DPP10: variants seen among roughly 807,000 people sequenced by gnomAD.
DPP10 encodes the protein dipeptidyl peptidase like 10.
DPP10 carries 33 observed loss-of-function variants against 120.9 expected under a neutral mutation model. That is an observed-to-expected ratio of 0.27 (90% CI 0.21 to 0.37). The LOEUF (loss-of-function observed/expected upper bound fraction) is 0.37. Ranked by LOEUF, DPP10 falls within the 10% of genes least tolerant of loss-of-function variation. The probability of loss-of-function intolerance (pLI) is 1.00; values close to 1 mark genes in which losing one functional copy is unlikely to be tolerated. For missense variants in DPP10, 816 were observed against 942.8 expected, an observed-to-expected ratio of 0.87 and a Z score of 1.76; for synonymous variants, 337 against 326.1, an observed-to-expected ratio of 1.03 and a Z score of -0.36.
chr2:115,044,241 A>T (rs1704888993), intron 1 of DPP10, among the ~76,000 whole-genome samples: 2 of 152,146 alleles, frequency 1.3e-5, no homozygotes, highest in Admixed American at 1.3e-4. Flanking sequence ...GGGAGGTCTC[A>T]GGAAACTTAC....
chr2:115,279,466 A>G (rs1278015003), intron 1 of DPP10, among the ~76,000 whole-genome samples: 6 of 152,054 alleles, frequency 3.9e-5, no homozygotes, highest in South Asian at 2.1e-4. Flanking sequence ...TCTCTACCCA[A>G]TAAGAAGCTG....
intron 1 of DPP10, among the ~76,000 whole-genome samples, chr2:114,888,831 G>T (rs963713735): frequency 6.6e-6 from 1 of 152,180 alleles, no homozygotes; most frequent in Non-Finnish European, 1.5e-5. Flanking sequence ...TAACTTGGCT[G>T]AGAACTCTTC....
chr2:115,741,475 CT>C (rs1442638696), intron 9 of DPP10, among the ~76,000 whole-genome samples: 4 of 150,818 alleles, frequency 2.7e-5, no homozygotes, highest in Non-Finnish European at 4.4e-5. Context: ...CATACCAGCA[CT>C]ATTTTTTCCC....
intron 1 of DPP10, among the ~76,000 whole-genome samples, chr2:114,887,852 A>G (rs1286506352): frequency 6.6e-6 from 1 of 152,196 alleles, no homozygotes; most frequent in Admixed American, 6.5e-5. Context: ...GAAAATGAGT[A>G]TCATGGGTTA....
chr2:115,815,394 CA>C (rs1384104964), intron 20 of DPP10, among the ~76,000 whole-genome samples: 1 of 152,194 alleles, frequency 6.6e-6, no homozygotes, highest in South Asian at 2.1e-4. Context: ...ACACAGAAAC[CA>C]GATATGATAT....
intron 1 of DPP10, chr2:115,064,558 C>A: frequency 1.1e-6 from 1 of 933,690 alleles, no homozygotes; most frequent in South Asian, 2.0e-5. Context: ...TCTGCCCCAC[C>A]ACCCACCCCT....
chr2:115,722,290 T>G (rs1185460571), intron 7 of DPP10, among the ~76,000 whole-genome samples: 1 of 151,630 alleles, frequency 6.6e-6, no homozygotes, highest in African/African-American at 2.4e-5. Flanking sequence ...TGCAATATTT[T>G]CCTAGCCTTT....
chr2:115,130,436 G>T (rs2050283550), intron 1 of DPP10, among the ~76,000 whole-genome samples: 1 of 151,784 alleles, frequency 6.6e-6, no homozygotes, highest in African/African-American at 2.4e-5. Context: ...CCCCACATCT[G>T]TGTTCCCATC....
chr2:114,609,341 A>G (rs1335550323), intron 1 of DPP10, among the ~76,000 whole-genome samples: 2 of 152,300 alleles, frequency 1.3e-5, no homozygotes, highest in Non-Finnish European at 2.9e-5. Flanking sequence ...CCCTAGGCCA[A>G]CATTTATCCC....
intron 21 of DPP10, among the ~76,000 whole-genome samples, chr2:115,822,083 T>A (rs534132615): frequency 6.6e-6 from 1 of 152,132 alleles, no homozygotes; most frequent in South Asian, 2.1e-4. Flanking sequence ...AATAGTGGGA[T>A]TTATTTTATT....
chr2:114,884,681 A>G (rs998681254), intron 1 of DPP10, among the ~76,000 whole-genome samples: 1 of 152,020 alleles, frequency 6.6e-6, no homozygotes, highest in African/African-American at 2.4e-5. Flanking sequence ...TACTGTACCC[A>G]ATGTCTAGCC....
chr2:115,336,955 T>A (rs1431512961), intron 2 of DPP10, among the ~76,000 whole-genome samples: 3 of 151,978 alleles, frequency 2.0e-5, no homozygotes, highest in Non-Finnish European at 4.4e-5. Context: ...AATAGTAAGA[T>A]TTCTCTAGGT....
chr2:115,137,335 A>C (rs1017289278), intron 1 of DPP10, among the ~76,000 whole-genome samples: 22 of 152,236 alleles, frequency 1.4e-4, no homozygotes, highest in Admixed American at 1.1e-3. Context: ...TGACTGAGCC[A>C]TCTGGCAGTG....
At chr2:115,121,798 CT>C (rs2049837297) in intron 1 of DPP10, among the ~76,000 whole-genome samples, 1 of 152,160 alleles carries the variant, frequency 6.6e-6, no homozygotes, top group Non-Finnish European at 1.5e-5. Flanking sequence ...CCTTATTCTG[CT>C]CTAGGTTTTG....
chr2:115,746,509 T>G (rs1481064053), intron 10 of DPP10, among the ~76,000 whole-genome samples: 2 of 152,202 alleles, frequency 1.3e-5, no homozygotes, highest in African/African-American at 4.8e-5. Flanking sequence ...GCTCCACATT[T>G]TTTTTGAAGG....
At chr2:115,728,956 A>G (rs1260780001) in intron 8 of DPP10, among the ~76,000 whole-genome samples, 1 of 152,242 alleles carries the variant, frequency 6.6e-6, no homozygotes, top group Non-Finnish European at 1.5e-5. Flanking sequence ...TTATATGTAT[A>G]TGTGTACATG....
At chr2:114,763,738 A>G (rs1170898022) in intron 1 of DPP10, among the ~76,000 whole-genome samples, 1 of 152,188 alleles carries the variant, frequency 6.6e-6, no homozygotes, top group Non-Finnish European at 1.5e-5. Flanking sequence ...AGAATGGGGG[A>G]GGGAGAATCA....
At chr2:115,478,037 C>T (rs1303534842) in intron 3 of DPP10, among the ~76,000 whole-genome samples, 3 of 152,076 alleles carry the variant, frequency 2.0e-5, no homozygotes, top group East Asian at 3.9e-4. Context: ...CATGTGAACT[C>T]GGAGTGAGAA....
intron 8 of DPP10, among the ~76,000 whole-genome samples, chr2:115,731,381 G>A (rs2092906522): frequency 1.3e-5 from 2 of 150,944 alleles, no homozygotes; most frequent in Non-Finnish European, 3.0e-5. Flanking sequence ...TAACTGGGTG[G>A]GGTGGTGGGG....
Sources: gnomAD v4.1 joint callset for allele counts (sites outside exome capture counted in the v4.1 genomes callset) on GRCh38, gnomAD v4.1.1 for gene constraint, MANE v1.5 for transcripts, NCBI Gene and HGNC (gene_info 2026-07-23, HGNC 2026-07-21) for gene names.